The following NTF3 variants were observed in gnomAD, a reference collection of about 807,000 sequenced individuals.
NTF3 encodes neurotrophin 3.
Under a neutral mutation model 26.3 loss-of-function variants are expected in NTF3, and 8 were observed. The observed-to-expected ratio is 0.30, with a 90% CI of 0.18 to 0.55. NTF3 has a LOEUF of 0.55. Ranked by LOEUF, NTF3 falls within the 20% of genes least tolerant of loss-of-function variation. The pLI is 0.93. For synonymous variants in NTF3, 154 were observed against 145.5 expected (o/e 1.06, Z -0.42); for missense variants, 276 against 352.9 (o/e 0.78, Z 1.75).
chr12:5,438,322 C>T (rs904111035), intron 1 of NTF3, among the ~76,000 whole-genome samples: 3 of 152,212 alleles, frequency 2.0e-5, no homozygotes, highest in African/African-American at 7.2e-5. Flanking sequence ...CACACACCCC[C>T]ACATGGTCAG....
chr12:5,487,261 G>C (rs985603918), intron 1 of NTF3, among the ~76,000 whole-genome samples: 17 of 152,192 alleles, frequency 1.1e-4, no homozygotes, highest in Non-Finnish European at 2.5e-4. Flanking sequence ...ACACTGTTTT[G>C]ACGTGTGCCA....
At chr12:5,440,683 A>G (rs1940225780) in intron 1 of NTF3, among the ~76,000 whole-genome samples, 1 of 152,168 alleles carries the variant, frequency 6.6e-6, no homozygotes. Context: ...AGCCCAGACT[A>G]GCTGTGTGAC....
chr12:5,448,307 C>T (rs1376160918), intron 1 of NTF3, among the ~76,000 whole-genome samples: 1 of 152,104 alleles, frequency 6.6e-6, no homozygotes, highest in Non-Finnish European at 1.5e-5. Flanking sequence ...CTGTTTTCAC[C>T]TCTTCTTTAG....
At chr12:5,455,692 G>A (rs1158747472) in intron 1 of NTF3, among the ~76,000 whole-genome samples, 1 of 152,200 alleles carries the variant, frequency 6.6e-6, no homozygotes, top group Admixed American at 6.5e-5. Context: ...TTAGATGGGT[G>A]CTGGGGACAA....
At chr12:5,458,419 A>G (rs757743332) in intron 1 of NTF3, among the ~76,000 whole-genome samples, 9 of 152,076 alleles carry the variant, frequency 5.9e-5, no homozygotes, top group African/African-American at 1.2e-4. Context: ...CTGATTCAAC[A>G]CCTTTCTCAG....
intron 1 of NTF3, among the ~76,000 whole-genome samples, chr12:5,471,094 G>T (rs1940660606): frequency 6.6e-6 from 1 of 151,670 alleles, no homozygotes; most frequent in South Asian, 2.1e-4. Flanking sequence ...TAGTTTATTT[G>T]TCCACAGTGT....
chr12:5,489,829 A>G (rs1438711996), intron 1 of NTF3, among the ~76,000 whole-genome samples: 1 of 152,138 alleles, frequency 6.6e-6, no homozygotes. Flanking sequence ...TTTCCATGTC[A>G]GCTGCTTCTT....
chr12:5,445,328 G>C (rs1940292057), intron 1 of NTF3, among the ~76,000 whole-genome samples: 1 of 149,970 alleles, frequency 6.7e-6, no homozygotes, highest in African/African-American at 2.4e-5. Context: ...GTGTGTGTGT[G>C]TGTGTGTGTT....
chr12:5,474,483 G>A (rs1172722357), intron 1 of NTF3, among the ~76,000 whole-genome samples: 2 of 152,184 alleles, frequency 1.3e-5, no homozygotes, highest in Non-Finnish European at 2.9e-5. Flanking sequence ...GGAAAACCCA[G>A]GTCCCTCGCT....
chr12:5,467,473 C>G (rs1011880192), intron 1 of NTF3, among the ~76,000 whole-genome samples: 3 of 152,150 alleles, frequency 2.0e-5, no homozygotes, highest in African/African-American at 7.2e-5. Context: ...GTGTTCCTCC[C>G]CATATCTAAC....
At chr12:5,492,479 G>T (rs1940949896) in intron 1 of NTF3, among the ~76,000 whole-genome samples, 1 of 152,166 alleles carries the variant, frequency 6.6e-6, no homozygotes. Context: ...GTTGCATTTT[G>T]TTGGGCCTGT....
chr12:5,443,112 GC>G (rs1013192083), intron 1 of NTF3, among the ~76,000 whole-genome samples: 2 of 152,176 alleles, frequency 1.3e-5, no homozygotes, highest in Non-Finnish European at 2.9e-5. Flanking sequence ...TCTAAGAGCT[GC>G]GCGATGTTGT....
chr12:5,477,670 T>C (rs888162579), intron 1 of NTF3, among the ~76,000 whole-genome samples: 1 of 152,230 alleles, frequency 6.6e-6, no homozygotes, highest in African/African-American at 2.4e-5. Flanking sequence ...TCACTATTGA[T>C]GCTATAATTA....
intron 1 of NTF3, among the ~76,000 whole-genome samples, chr12:5,435,888 G>T (rs1292149792): frequency 6.6e-6 from 1 of 152,194 alleles, no homozygotes; most frequent in East Asian, 1.9e-4. Flanking sequence ...GAGAAAACTA[G>T]CGAGGTGGAT....
chr12:5,458,463 C>A (rs544522976), intron 1 of NTF3, among the ~76,000 whole-genome samples: 7 of 152,200 alleles, frequency 4.6e-5, no homozygotes, highest in Admixed American at 2.6e-4. Context: ...AGGAACAATT[C>A]CCACTTGTTC....
chr12:5,494,063 G>C lies in NTF3; in HGVS notation c.19-131G>C, dbSNP rs889734055. 5.3e-6 allele frequency: 4 copies of C among 752,188 alleles called. No individual in the cohort carries two copies. Among genetic ancestry groups the C allele is most frequent in the Non-Finnish European group, 8.6e-6 (4 of 467,480 alleles). 46.6% of individuals were successfully genotyped at this position (752,188 alleles called of 1,614,324 possible). A position where few individuals can be genotyped will look rare whatever the true frequency, so the allele number is the denominator to read the frequency against. On this transcript the variant is annotated intron_variant, in intron 1 of 1. Coordinates refer to ENST00000423158, the MANE Select transcript of NTF3 (RefSeq NM_001102654.2). The surrounding 1 kb of genome is among the most constrained non-coding windows in gnomAD (Gnocchi z 8.3). ...TCTTCAGAATGTCCAGAGGGGAGTTGCCTTGCTTACCTGGGGGGCGGTACC... is the reference window on the plus strand; with the variant it reads ...TCTTCAGAATGTCCAGAGGGGAGTTCCCTTGCTTACCTGGGGGGCGGTACC...
chr12:5,443,295 A>G (rs1413494959), intron 1 of NTF3, among the ~76,000 whole-genome samples: 1 of 151,876 alleles, frequency 6.6e-6, no homozygotes, highest in Non-Finnish European at 1.5e-5. Context: ...ATCATGTACC[A>G]CTCTTGGATG....
chr12:5,453,135 G>T (rs113148373), intron 1 of NTF3, among the ~76,000 whole-genome samples: 38 of 152,324 alleles, frequency 2.5e-4, no homozygotes, highest in South Asian at 1.2e-3. Context: ...TTAGAACAAT[G>T]CCTGGCATAT....
intron 1 of NTF3, among the ~76,000 whole-genome samples, chr12:5,478,813 T>C (rs1023155521): frequency 6.6e-6 from 1 of 152,268 alleles, no homozygotes; most frequent in African/African-American, 2.4e-5. Context: ...CTCTAATCTT[T>C]TTCTGTTTCA....
Sources: allele counts gnomAD v4.1 joint callset (sites outside exome capture counted in the v4.1 genomes callset), GRCh38; gene constraint gnomAD v4.1.1; non-coding constraint Gnocchi (gnomAD v3.1); transcripts MANE v1.5; gene names NCBI Gene and HGNC (gene_info 2026-07-23, HGNC 2026-07-21).